The following MECOM variants were observed in gnomAD, a reference collection of about 807,000 sequenced individuals.
MECOM encodes histone-lysine N-methyltransferase MECOM.
In MECOM, 13 loss-of-function variants were observed where a neutral mutation model predicts 116.3. The observed-to-expected ratio is 0.11, with a 90% confidence interval of 0.07 to 0.18. The LOEUF is 0.18. Among genes scored for constraint, MECOM ranks in the 10% least tolerant of loss-of-function variants. The pLI is 1.00. For missense variants in MECOM, 1,299 were observed against 1,509.0 expected, an observed-to-expected ratio of 0.86 and a Z score of 2.31; for synonymous variants, 528 against 535.2, an observed-to-expected ratio of 0.99 and a Z score of 0.19.
At chr3:169,462,888 G>A (rs1279548750) in intron 1 of MECOM, among the ~76,000 whole-genome samples, 1 of 152,038 alleles carries the variant, frequency 6.6e-6, no homozygotes, top group Non-Finnish European at 1.5e-5. Flanking sequence ...ATGAAACTTT[G>A]TAAAACATGC....
At chr3:169,106,802 A>G (rs987713404) in intron 10 of MECOM, among the ~76,000 whole-genome samples, 1 of 152,134 alleles carries the variant, frequency 6.6e-6, no homozygotes, top group African/African-American at 2.4e-5. Context: ...GATCTCTACC[A>G]GGAAAGGCAA....
At position 169,378,440 on chromosome 3, in the gene MECOM, AGAAAGAAAGAAG is replaced by A. The variant is rs1444178111; in HGVS notation, c.375+2735_375+2746del. On this transcript the variant is annotated intron_variant, in intron 2 of 16. Transcript: ENST00000651503. ...AAGAAAGAAAGAAAGAAAGAAAGAA[AGAAAGAAAGAAG>A]GAAAGCAAGCAAGCAAGCAAGCAAG... is the stretch of plus-strand genomic sequence containing the variant. Among the ~76,000 whole-genome samples the A allele has an allele frequency of 9.4e-4, 79 of 84,308 alleles. 6 individuals are homozygous for A. Among genetic ancestry groups the A allele is most frequent in the East Asian group, 3.2e-3 (11 of 3,418 alleles). The allele number at this position is 84,308 out of a possible 152,430, so 55.3% of individuals were successfully genotyped here.
intron 1 of MECOM, among the ~76,000 whole-genome samples, chr3:169,420,953 G>A (rs751577575): frequency 1.3e-5 from 2 of 152,080 alleles, no homozygotes; most frequent in Non-Finnish European, 2.9e-5. Context: ...TTCATCTCCT[G>A]TAAAGGACCC....
At chr3:169,368,609 A>AT (rs1395966489) in intron 2 of MECOM, among the ~76,000 whole-genome samples, 7 of 152,022 alleles carry the variant, frequency 4.6e-5, no homozygotes, top group Non-Finnish European at 7.4e-5. Flanking sequence ...ATAGATTTGA[A>AT]TTGGTTATTT....
rs187135267 is a variant in MECOM, at chr3:169,446,104, T to A, written c.38-64580A>T. ...TGGACTTTTGAGTTAATGCTGAAAT[T>A]AGTTAAGACATTGGGGGACCATTGA... On this transcript the variant is annotated intron_variant, in intron 1 of 16. Coordinates refer to ENST00000651503, the MANE Select transcript of MECOM (RefSeq NM_004991.4). Among the ~76,000 whole-genome samples, 3 of 152,270 alleles carry A rather than the reference T, an allele frequency of 2.0e-5. No homozygotes were observed. The East Asian group carries it at 5.8e-4, about 29-fold the overall frequency.
intron 1 of MECOM, among the ~76,000 whole-genome samples, chr3:169,546,988 A>T (rs1009978970): frequency 1.3e-5 from 2 of 152,220 alleles, no homozygotes; most frequent in African/African-American, 4.8e-5. Flanking sequence ...CAGAAAAATA[A>T]AAATGGTCAA....
At chr3:169,171,214 T>C (rs2149371442) in intron 2 of MECOM, among the ~76,000 whole-genome samples, 1 of 152,320 alleles carries the variant, frequency 6.6e-6, no homozygotes, top group South Asian at 2.1e-4. Flanking sequence ...TGTTGTAAGA[T>C]GCTATTGTCC....
chr3:169,461,698 G>A (rs572319884), intron 1 of MECOM, among the ~76,000 whole-genome samples: 8 of 152,064 alleles, frequency 5.3e-5, no homozygotes, highest in East Asian at 3.9e-4. Flanking sequence ...AGTTATAGAC[G>A]CATATAAGTT....
chr3:169,330,850 T>C (rs374044658), intron 2 of MECOM, among the ~76,000 whole-genome samples: 1 of 152,116 alleles, frequency 6.6e-6, no homozygotes, highest in East Asian at 1.9e-4. Context: ...GCTTTCATTT[T>C]ATCCTCTTAT....
chr3:169,459,452 G>C (rs1747059906), intron 1 of MECOM, among the ~76,000 whole-genome samples: 1 of 152,156 alleles, frequency 6.6e-6, no homozygotes. Flanking sequence ...TATTAAGTTT[G>C]TCACACTTTC....
At chr3:169,093,133 A>G in intron 13 of MECOM, 31 bp from the exon 14 acceptor site, 1 of 1,554,804 alleles carries the variant, frequency 6.4e-7, no homozygotes, top group Non-Finnish European at 8.7e-7. Flanking sequence ...TTTATGACAA[A>G]GATTATTGTT....
chr3:169,142,322 A>G (rs1738357262), intron 3 of MECOM, among the ~76,000 whole-genome samples: 1 of 151,928 alleles, frequency 6.6e-6, no homozygotes, highest in South Asian at 2.1e-4. Context: ...TTATTATGAT[A>G]TGATTATATT....
intron 14 of MECOM, among the ~76,000 whole-genome samples, chr3:169,091,783 A>AT (rs150963722): frequency 0.033 from 5,070 of 151,904 alleles, 276 homozygotes; most frequent in African/African-American, 0.1. Context: ...AGAAGTGGTC[A>AT]TTTTTTTTGT....
intron 9 of MECOM, among the ~76,000 whole-genome samples, chr3:169,112,057 G>GA (rs1727573282): frequency 6.6e-6 from 1 of 151,994 alleles, no homozygotes; most frequent in Non-Finnish European, 1.5e-5. Flanking sequence ...TTTAAATTAA[G>GA]AAACCACATT....
At chr3:169,548,554 C>A (rs1257602276) in intron 1 of MECOM, among the ~76,000 whole-genome samples, 2 of 152,192 alleles carry the variant, frequency 1.3e-5, no homozygotes, top group South Asian at 4.1e-4. Context: ...AGGGAATAAA[C>A]CTCCTGCAAC....
chr3:169,146,437 C>G (rs754770467), intron 2 of MECOM: 10 of 1,390,058 alleles, frequency 7.2e-6, no homozygotes, highest in Non-Finnish European at 9.6e-6. Context: ...AGGAGAAGAG[C>G]GCAAGGAAAA....
intron 1 of MECOM, among the ~76,000 whole-genome samples, chr3:169,661,162 A>C (rs1216462106): frequency 6.6e-6 from 1 of 152,270 alleles, no homozygotes; most frequent in East Asian, 1.9e-4. Context: ...GCTCAAGAAA[A>C]TTCGAAGGGT....
chr3:169,381,438 TGAGG>T lies in MECOM; in HGVS notation c.120_123del (p.Leu41IlefsTer51). 6.2e-7 allele frequency: 1 copy of T among 1,613,810 alleles called. No individual in the cohort carries two copies. Among genetic ancestry groups the T allele is most frequent in the Non-Finnish European group, 8.5e-7 (1 of 1,179,794 alleles). On this transcript the variant is annotated frameshift_variant, in exon 2 of 17. Transcript: ENST00000651503. LOFTEE classifies it high-confidence loss of function. ...GCAGGAGAGCATGGCTCTTGAATAT[TGAGG>T]GAGGGAGTGCTGGCTACTCCATCTG...
At chr3:169,382,418 G>A (rs1311984289) in intron 1 of MECOM, among the ~76,000 whole-genome samples, 1 of 152,066 alleles carries the variant, frequency 6.6e-6, no homozygotes, top group Non-Finnish European at 1.5e-5. Flanking sequence ...GAGGACCTGA[G>A]GACCCCCAAG....
Sources: gnomAD v4.1 joint callset for allele counts (sites outside exome capture counted in the v4.1 genomes callset) on GRCh38, gnomAD v4.1.1 for gene constraint, MANE v1.5 for transcripts, NCBI Gene and HGNC (gene_info 2026-07-23, HGNC 2026-07-21) for gene names.